Variants in GP1BA observed in about 807,000 individuals in gnomAD.
GP1BA encodes glycoprotein Ib platelet subunit alpha.
GP1BA carries 3 observed loss-of-function variants against 5.6 expected under a neutral mutation model. The observed-to-expected ratio is 0.53, with a 90% CI of 0.24 to 1.38. The LOEUF (loss-of-function observed/expected upper bound fraction) is 1.38. Among genes scored for constraint, GP1BA ranks in the 40% most tolerant of loss-of-function variants. The pLI is 0.16. For synonymous variants in GP1BA, 323 were observed against 358.3 expected, an observed-to-expected ratio of 0.90 and a Z score of 1.11; for missense variants, 707 against 801.4, an observed-to-expected ratio of 0.88 and a Z score of 1.42.
Position 4,934,659 on chromosome 17 carries a change from G to GA in GP1BA, c.*96_*97insA. ...AGGGGTAAGGAACACAGGGTGATAGGGAGGGGTCTTAGTTCCTTTTTCTGT... is the reference window on the plus strand; with the variant it reads ...AGGGGTAAGGAACACAGGGTGATAGGAGAGGGGTCTTAGTTCCTTTTTCTGT... On this transcript the variant is annotated 3_prime_UTR_variant, in exon 2 of 2. Coordinates refer to ENST00000329125, the MANE Select transcript of GP1BA (RefSeq NM_000173.7). 1.6e-6 allele frequency: 2 copies of GA among 1,270,374 alleles called. No homozygotes were observed. The highest frequency in any genetic ancestry group is 2.6e-5 in the South Asian group (2 of 78,142). The allele number at this position is 1,270,374 out of a possible 1,614,324, so 78.7% of individuals were successfully genotyped here. A position where few individuals can be genotyped will look rare whatever the true frequency, so the allele number is the denominator to read the frequency against.
In GP1BA at chr17:4,934,150, A is replaced by G. The variant is rs1446789434; in HGVS notation, c.1546A>G (p.Arg516Gly). ...GCTCCAAGGGCATTTGGAGAGCTCC[A>G]GAAATGACCCTTTTCTCCACCCCGA... is the stretch of plus-strand genomic sequence containing the variant. ...GVLQGHLESS[R>G]NDPFLHPDFC... The change falls in exon 2 of 2, where the codon AGA becomes GGA. Residue 516 changes from arginine (R) to glycine (G), a missense_variant. This residue lies in a region of GP1BA where 247 missense variants were observed against 246.6 expected (regional missense o/e 1.00). Coordinates refer to ENST00000329125, the MANE Select transcript of GP1BA (RefSeq NM_000173.7). The G allele has an allele frequency of 6.2e-7, 1 of 1,613,928 alleles. No homozygotes were observed. Among genetic ancestry groups the G allele is most frequent in the Admixed American group, 1.7e-5 (1 of 60,030 alleles).
At position 4,934,923 on chromosome 17, in the gene GP1BA, GT is replaced by G. The variant is rs1970399729; in HGVS notation, c.*362del. ...ATGTGAGCACTCGTTGTGTCTGGAT[GT>G]TACAAATATGGGTGGTTTTATTTTC... On this transcript the variant is annotated 3_prime_UTR_variant, in exon 2 of 2. Coordinates refer to ENST00000329125, the MANE Select transcript of GP1BA (RefSeq NM_000173.7). The G allele has an allele frequency of 6.5e-6, 2 of 307,940 alleles. No individual in the cohort carries two copies. The highest frequency in any genetic ancestry group is 2.2e-5 in the African/African-American group (1 of 46,026). 19.1% of individuals were successfully genotyped at this position (307,940 alleles called of 1,614,324 possible). A position where few individuals can be genotyped will look rare whatever the true frequency, so the allele number is the denominator to read the frequency against.
chr17:4,934,460 T>C lies in GP1BA; in HGVS notation c.1856T>C (p.Val619Ala). The part of the protein sequence containing the change: ...LFLWVRPNGR[V>A]GPLVAGRRPS... ...CTGTGGGTACGGCCTAATGGCCGTGTGGGGCCTCTAGTGGCAGGAAGGAGG... is the reference window on the plus strand; with the variant it reads ...CTGTGGGTACGGCCTAATGGCCGTGCGGGGCCTCTAGTGGCAGGAAGGAGG... Residue 619 changes from valine to alanine, a missense_variant, in exon 2 of 2, where the codon GTG becomes GCG. By Grantham distance (64) the Val-to-Ala change is moderately conservative. Around this residue, in one of 3 missense-constraint regions of GP1BA, gnomAD observed 247 missense variants for 246.6 expected, o/e 1.00. Transcript: ENST00000329125. 1 of 1,614,052 alleles carries C rather than the reference T, an allele frequency of 6.2e-7. No individual in the cohort carries two copies. Among genetic ancestry groups the C allele is most frequent in the Non-Finnish European group, 8.5e-7 (1 of 1,179,896 alleles).
Position 4,934,438 on chromosome 17 carries a change from T to C in GP1BA, c.1834T>C (p.Trp612Arg), listed in dbSNP as rs770091453. The C allele has an allele frequency of 3.1e-6, 5 of 1,614,002 alleles. No individual in the cohort carries two copies. Among genetic ancestry groups the C allele is most frequent in the Non-Finnish European group, 3.4e-6 (4 of 1,179,892 alleles). The change falls in exon 2 of 2, where the codon TGG becomes CGG. Residue 612 changes from tryptophan to arginine, a missense_variant. Transcript: ENST00000329125. ...LPTFRSSLFLWVRPNGRVGPL... is the reference protein window; with the variant it reads ...LPTFRSSLFLRVRPNGRVGPL... ...CACTTTCCGCTCCAGCCTCTTCCTG[T>C]GGGTACGGCCTAATGGCCGTGTGGG...
rs761570928 is a variant in GP1BA, at chr17:4,933,014, G to A, written c.410G>A (p.Arg137His). The change falls in exon 2 of 2, where the codon CGT becomes CAT. Residue 137 changes from arginine (R) to histidine (H), a missense_variant. Arg to His is a conservative substitution (Grantham distance 29). Transcript: ENST00000329125. ...RLTSLPLGAL[R>H]GLGELQELYL... ...ACCTCGCTGCCTCTTGGTGCCCTGCGTGGTCTTGGCGAACTCCAAGAGCTC... is the reference window on the plus strand; with the variant it reads ...ACCTCGCTGCCTCTTGGTGCCCTGCATGGTCTTGGCGAACTCCAAGAGCTC... The A allele has an allele frequency of 1.9e-6, 3 of 1,613,996 alleles. No individual in the cohort carries two copies. The highest frequency in any genetic ancestry group is 1.7e-6 in the Non-Finnish European group (2 of 1,179,896).
In GP1BA at chr17:4,933,709, T is replaced by C; in HGVS notation, c.1105T>C (p.Ser369Pro). The part of the protein sequence containing the change: ...WTPNFTLHME[S>P]ITFSKTPKST... ...CCCAAATTTCACACTTCACATGGAA[T>C]CCATCACATTCTCCAAAACTCCAAA... Residue 369 changes from serine to proline, a missense_variant, in exon 2 of 2, where the codon TCC (serine) becomes CCC (proline). Around this residue, in one of 3 missense-constraint regions of GP1BA, gnomAD observed 442 missense variants for 498.8 expected, o/e 0.89. Transcript: ENST00000329125. The C allele has an allele frequency of 6.2e-7, 1 of 1,613,724 alleles. No homozygotes were observed. Among genetic ancestry groups the C allele is most frequent in the Non-Finnish European group, 8.5e-7 (1 of 1,179,840 alleles).
rs900384352 is a variant in GP1BA, at chr17:4,932,847, C to T, written c.243C>T (p.Cys81=). Residue 81 remains cysteine (C), a synonymous_variant, in exon 2 of 2, where the codon TGC becomes TGT. Coordinates refer to ENST00000329125, the MANE Select transcript of GP1BA (RefSeq NM_000173.7). The surrounding 1 kb of genome is among the most constrained non-coding windows in gnomAD (Gnocchi z 4.8). ...TCACTCAGCTGAACCTAGATAGGTG[C>T]GAGCTCACCAAGCTCCAGGTCGATG... ...TRLTQLNLDR[C]ELTKLQVDGT... is the part of the protein sequence containing the mutation. 1.2e-5 allele frequency: 19 copies of T among 1,613,888 alleles called. No homozygotes were observed. Among genetic ancestry groups the T allele is most frequent in the East Asian group, 2.2e-5 (1 of 44,898 alleles).
Position 4,934,996 on chromosome 17 carries a change from T to A in GP1BA, c.*433T>A. On this transcript the variant is annotated 3_prime_UTR_variant, in exon 2 of 2. Transcript: ENST00000329125. ...CTAGTTTTCCACTATTATTGTATATTATCTGTATAATAAAAAATAATTTTA... is the reference window on the plus strand; with the variant it reads ...CTAGTTTTCCACTATTATTGTATATAATCTGTATAATAAAAAATAATTTTA... 4.8e-6 allele frequency: 1 copy of A among 210,090 alleles called. No homozygotes were observed. Among genetic ancestry groups the A allele is most frequent in the South Asian group, 8.5e-5 (1 of 11,818 alleles). 13.0% of individuals were successfully genotyped at this position (210,090 alleles called of 1,614,324 possible).
rs1269272959 is a variant in GP1BA, at chr17:4,934,368, G to T, written c.1764G>T (p.Val588=). The part of the protein sequence containing the change: ...THLELQRGRQ[V]TVPRAWLLFL... ...TGGAGCTGCAGAGGGGACGGCAAGT[G>T]ACAGTGCCCCGGGCCTGGCTGCTCT... The change falls in exon 2 of 2, where the codon GTG becomes GTT. Residue 588 remains valine, a synonymous_variant. Coordinates refer to ENST00000329125, the MANE Select transcript of GP1BA (RefSeq NM_000173.7). 6.2e-7 allele frequency: 1 copy of T among 1,614,032 alleles called. No homozygotes were observed. Among genetic ancestry groups the T allele is most frequent in the Non-Finnish European group, 8.5e-7 (1 of 1,179,906 alleles).
At position 4,933,827 on chromosome 17, in the gene GP1BA, C is replaced by G; in HGVS notation, c.1223C>G (p.Pro408Arg). 2 of 1,496,326 alleles carry G rather than the reference C, an allele frequency of 1.3e-6. No individual in the cohort carries two copies. The highest frequency in any genetic ancestry group is 1.8e-4 in the Middle Eastern group (1 of 5,540). 92.7% of individuals were successfully genotyped at this position (1,496,326 alleles called of 1,614,324 possible). A position where few individuals can be genotyped will look rare whatever the true frequency, so the allele number is the denominator to read the frequency against. ...ACCACCCTGGAGCCCACTCCAAGCC[C>G]GACCACCCCAGAGCCCACCTCAGAG... ...NMTTLEPTPS[P>R]TTPEPTSEPA... Residue 408 changes from proline (P) to arginine (R), a missense_variant, in exon 2 of 2, where the codon CCG becomes CGG. By Grantham distance (103) the Pro-to-Arg change is moderately radical. Around this residue, in one of 3 missense-constraint regions of GP1BA, gnomAD observed 442 missense variants for 498.8 expected, o/e 0.89. Coordinates refer to ENST00000329125, the MANE Select transcript of GP1BA (RefSeq NM_000173.7).
In GP1BA at chr17:4,932,499, C is replaced by T. The variant is rs1970355807; in HGVS notation, c.-6-100C>T. Reference sequence around the variant, plus strand: ...GTAGGGAGGACAGGAGGTGTGGATGCTGTTTCTGGAAGCGAAGCTGCAGGG... The same window carrying T: ...GTAGGGAGGACAGGAGGTGTGGATGTTGTTTCTGGAAGCGAAGCTGCAGGG... On this transcript the variant is annotated intron_variant, in intron 1 of 1. Coordinates refer to ENST00000329125, the MANE Select transcript of GP1BA (RefSeq NM_000173.7). The surrounding 1 kb of genome is among the most constrained non-coding windows in gnomAD (Gnocchi z 4.8). 8.0e-7 allele frequency: 1 copy of T among 1,257,400 alleles called. No individual in the cohort carries two copies. The highest frequency in any genetic ancestry group is 1.1e-6 in the Non-Finnish European group (1 of 935,144). The allele number at this position is 1,257,400 out of a possible 1,614,324, so 77.9% of individuals were successfully genotyped here.
chr17:4,932,697 G>A lies in GP1BA; in HGVS notation c.93G>A (p.Val31=). ...EVSKVASHLE[V]NCDKRNLTAL... is the part of the protein sequence containing the mutation. ...CCAAAGTGGCCAGCCACCTAGAAGT[G>A]AACTGTGACAAGAGGAATCTGACAG... Residue 31 remains valine, a synonymous_variant, in exon 2 of 2, where the codon GTG becomes GTA. Transcript: ENST00000329125. This position sits in a 1 kb window ranked among gnomAD's most constrained non-coding sequence, Gnocchi z 4.8. 6.2e-7 allele frequency: 1 copy of A among 1,613,884 alleles called. No homozygotes were observed. Among genetic ancestry groups the A allele is most frequent in the East Asian group, 2.2e-5 (1 of 44,888 alleles).
Position 4,933,650 on chromosome 17 carries a change from C to G in GP1BA, c.1046C>G (p.Thr349Ser), listed in dbSNP as rs771456871. Residue 349 changes from threonine to serine, a missense_variant, in exon 2 of 2, where the codon ACT (threonine) becomes AGT (serine). Thr to Ser is a moderately conservative substitution (Grantham distance 58). Around this residue, in one of 3 missense-constraint regions of GP1BA, gnomAD observed 442 missense variants for 498.8 expected, o/e 0.89. Coordinates refer to ENST00000329125, the MANE Select transcript of GP1BA (RefSeq NM_000173.7). The part of the protein sequence containing the change: ...PSSLHPTQES[T>S]KEQTTFPPRW... Reference sequence around the variant, plus strand: ...TCCTTGCATCCAACACAAGAATCCACTAAGGAGCAGACCACATTCCCACCT... The same window carrying G: ...TCCTTGCATCCAACACAAGAATCCAGTAAGGAGCAGACCACATTCCCACCT... The G allele has an allele frequency of 6.2e-7, 1 of 1,613,944 alleles. No homozygotes were observed. The highest frequency in any genetic ancestry group is 1.7e-5 in the Admixed American group (1 of 60,016).
rs1164809422 is a variant in GP1BA at position 4,933,466 on chromosome 17, G to A, written c.862G>A (p.Asp288Asn). The A allele has an allele frequency of 6.2e-7, 1 of 1,613,942 alleles. No individual in the cohort carries two copies. The highest frequency in any genetic ancestry group is 2.2e-5 in the East Asian group (1 of 44,874). ...KGCPTLGDEG[D>N]TDLYDYYPEE... ...GTGCCCCACCCTTGGTGATGAAGGT[G>A]ACACAGACCTATATGATTACTACCC... is the stretch of plus-strand genomic sequence containing the variant. The change falls in exon 2 of 2, where the codon GAC (aspartate) becomes AAC (asparagine). Residue 288 changes from aspartate to asparagine, a missense_variant. This residue lies in a region of GP1BA where 442 missense variants were observed against 498.8 expected (regional missense o/e 0.89). Coordinates refer to ENST00000329125, the MANE Select transcript of GP1BA (RefSeq NM_000173.7).
chr17:4,933,270 C>A lies in GP1BA; in HGVS notation c.666C>A (p.Pro222=), dbSNP rs944429896. The change falls in exon 2 of 2, where the codon CCC becomes CCA. Residue 222 remains proline (P), a synonymous_variant. Transcript: ENST00000329125. The stretch of plus-strand genomic sequence containing the variant: ...CTTTTGCTTTTCTCCACGGGAACCC[C>A]TGGTTATGCAACTGTGAGATCCTCT... The part of the protein sequence containing the change: ...LLPFAFLHGN[P]WLCNCEILYF... 1.2e-6 allele frequency: 2 copies of A among 1,614,022 alleles called. No homozygotes were observed. The highest frequency in any genetic ancestry group is 4.5e-5 in the East Asian group (2 of 44,886).
In GP1BA at chr17:4,932,809, C is replaced by A. The variant is rs1970361392; in HGVS notation, c.205C>A (p.Pro69Thr). Residue 69 changes from proline (P) to threonine (T), a missense_variant, in exon 2 of 2, where the codon CCT (proline) becomes ACT (threonine). By Grantham distance (38) the Pro-to-Thr change is conservative. Coordinates refer to ENST00000329125, the MANE Select transcript of GP1BA (RefSeq NM_000173.7). The surrounding 1 kb of genome is among the most constrained non-coding windows in gnomAD (Gnocchi z 4.8). ...CACCTTCTCCCTGGCAACCCTGATG[C>A]CTTACACTCGCCTCACTCAGCTGAA... is the stretch of plus-strand genomic sequence containing the variant. ...LYTFSLATLM[P>T]YTRLTQLNLD... is the part of the protein sequence containing the mutation. 8 of 1,614,034 alleles carry A rather than the reference C, an allele frequency of 5.0e-6. No individual in the cohort carries two copies. The highest frequency in any genetic ancestry group is 1.1e-5 in the South Asian group (1 of 91,082).
In GP1BA at chr17:4,932,334, C is replaced by G; in HGVS notation, c.-38C>G. The stretch of plus-strand genomic sequence containing the variant: ...GAGTCGAGTGGCACCCTAGAAGACG[C>G]TCTGTGCCTTCGGAGGTCTTTCTGC... On this transcript the variant is annotated 5_prime_UTR_variant, in exon 1 of 2. Coordinates refer to ENST00000329125, the MANE Select transcript of GP1BA (RefSeq NM_000173.7). The surrounding 1 kb of genome is among the most constrained non-coding windows in gnomAD (Gnocchi z 4.8). 9.0e-6 allele frequency: 12 copies of G among 1,334,778 alleles called. No individual in the cohort carries two copies. Among genetic ancestry groups the G allele is most frequent in the Non-Finnish European group, 1.2e-5 (12 of 1,037,950 alleles). 82.7% of individuals were successfully genotyped at this position (1,334,778 alleles called of 1,614,324 possible).
chr17:4,932,766 G>C lies in GP1BA; in HGVS notation c.162G>C (p.Leu54=). ...DLPKDTTILH[L]SENLLYTFSL... ...CGAAAGACACAACCATCCTCCACCT[G>C]AGTGAGAACCTCCTGTACACCTTCT... is the stretch of plus-strand genomic sequence containing the variant. Residue 54 remains leucine, a synonymous_variant, in exon 2 of 2, where the codon CTG becomes CTC. Coordinates refer to ENST00000329125, the MANE Select transcript of GP1BA (RefSeq NM_000173.7). This position sits in a 1 kb window ranked among gnomAD's most constrained non-coding sequence, Gnocchi z 4.8. 6.2e-7 allele frequency: 1 copy of C among 1,613,964 alleles called. No homozygotes were observed. Among genetic ancestry groups the C allele is most frequent in the South Asian group, 1.1e-5 (1 of 91,082 alleles).
chr17:4,933,828 G>T lies in GP1BA; in HGVS notation c.1224G>T (p.Pro408=), dbSNP rs747235905. 2.0e-6 allele frequency: 3 copies of T among 1,477,286 alleles called. No individual in the cohort carries two copies. Among genetic ancestry groups the T allele is most frequent in the Non-Finnish European group, 2.7e-6 (3 of 1,116,072 alleles). The allele number at this position is 1,477,286 out of a possible 1,614,324, so 91.5% of individuals were successfully genotyped here. A position where few individuals can be genotyped will look rare whatever the true frequency, so the allele number is the denominator to read the frequency against. Residue 408 remains proline (P), a synonymous_variant, in exon 2 of 2, where the codon CCG becomes CCT. Transcript: ENST00000329125. ...CCACCCTGGAGCCCACTCCAAGCCCGACCACCCCAGAGCCCACCTCAGAGC... is the reference window on the plus strand; with the variant it reads ...CCACCCTGGAGCCCACTCCAAGCCCTACCACCCCAGAGCCCACCTCAGAGC... The part of the protein sequence containing the change: ...NMTTLEPTPS[P]TTPEPTSEPA...
Sources: gnomAD v4.1 joint callset for allele counts on GRCh38, gnomAD v4.1.1 for gene constraint, gnomAD v4.1.1 regional missense constraint, Gnocchi (gnomAD v3.1) non-coding constraint, MANE v1.5 for transcripts, NCBI Gene and HGNC (gene_info 2026-07-23, HGNC 2026-07-21) for gene names.